Variants in BMPR1A observed in about 807,000 individuals in gnomAD.
The protein encoded by BMPR1A is bone morphogenetic protein receptor type 1A.
A neutral mutation model predicts 66.0 loss-of-function variants in BMPR1A; 7 were observed. The ratio of observed to expected loss-of-function variants is 0.11; its 90% CI spans 0.06 to 0.20. BMPR1A has a LOEUF of 0.20. Ranked by LOEUF, BMPR1A falls within the 10% of genes least tolerant of loss-of-function variation. BMPR1A has a pLI of 1.00. For synonymous variants in BMPR1A, 200 were observed against 229.7 expected, an observed-to-expected ratio of 0.87 and a Z score of 1.17; for missense variants, 408 against 669.1, an observed-to-expected ratio of 0.61 and a Z score of 4.31.
chr10:86,901,060 C>T (rs1204349789), intron 7 of BMPR1A, among the ~76,000 whole-genome samples: 1 of 152,230 alleles, frequency 6.6e-6, no homozygotes, highest in East Asian at 1.9e-4. Context: ...GGATCACTCA[C>T]TCTGGGGGAA....
At chr10:86,901,724 T>A (rs1236310876) in intron 7 of BMPR1A, among the ~76,000 whole-genome samples, 1 of 152,210 alleles carries the variant, frequency 6.6e-6, no homozygotes, top group African/African-American at 2.4e-5. Context: ...TCAAAGTCCC[T>A]TTGTCAAATA....
chr10:86,767,035 G>T (rs569862342), intron 1 of BMPR1A, among the ~76,000 whole-genome samples: 1 of 152,078 alleles, frequency 6.6e-6, no homozygotes, highest in Non-Finnish European at 1.5e-5. Flanking sequence ...TGTTGGTCAG[G>T]ATGGTCTTGA....
In BMPR1A at chr10:86,856,242, T is replaced by C. The variant is rs188096900; in HGVS notation, c.-153+17263T>C. The C allele has an allele frequency of 6.0e-3, 3,138 of 522,330 alleles. 14 individuals carry two copies. Among genetic ancestry groups the C allele is most frequent in the Non-Finnish European group, 8.9e-3 (2,315 of 259,586 alleles). The allele number at this position is 522,330 out of a possible 1,614,324, so 32.4% of individuals were successfully genotyped here. ...AGCAGGTGTAATGAACTTCCCCTTTTAGAAGCATCTTCTTGTTTCAAAGTA... is the reference window on the plus strand; with the variant it reads ...AGCAGGTGTAATGAACTTCCCCTTTCAGAAGCATCTTCTTGTTTCAAAGTA... On this transcript the variant is annotated intron_variant, in intron 2 of 12. Transcript: ENST00000372037.
At chr10:86,916,855 T>G (rs1040215545) in intron 8 of BMPR1A, among the ~76,000 whole-genome samples, 11 of 152,012 alleles carry the variant, frequency 7.2e-5, no homozygotes, top group Non-Finnish European at 1.5e-4. Context: ...TAGCTGGGCA[T>G]GGTGGCGGGT....
intron 1 of BMPR1A, among the ~76,000 whole-genome samples, chr10:86,772,767 AATC>A (rs1841284897): frequency 6.6e-6 from 1 of 152,132 alleles, no homozygotes; most frequent in South Asian, 2.1e-4. Flanking sequence ...GACGTCTAAA[AATC>A]ATCCCATTCC....
chr10:86,898,252 T>C (rs1564717279), intron 5 of BMPR1A, among the ~76,000 whole-genome samples: 3 of 151,640 alleles, frequency 2.0e-5, no homozygotes, highest in African/African-American at 7.3e-5. Flanking sequence ...ATAACACATA[T>C]ATATATAACA....
In BMPR1A at chr10:86,839,592, C is replaced by CAAA. The variant is rs1210538965; in HGVS notation, c.-153+632_-153+634dup. ...TGGGCAACAGAGTGAGACTCTGTCTCAAAAAAAAAAAAAAAAAAAAAGATT... is the reference window on the plus strand; with the variant it reads ...TGGGCAACAGAGTGAGACTCTGTCTCAAAAAAAAAAAAAAAAAAAAAAAAGATT... On this transcript the variant is annotated intron_variant, in intron 2 of 12. Coordinates refer to ENST00000372037, the MANE Select transcript of BMPR1A (RefSeq NM_004329.3). Among the ~76,000 whole-genome samples, 165 of 72,628 alleles carry CAAA rather than the reference C, an allele frequency of 2.3e-3. 2 individuals are homozygous for CAAA. The highest frequency in any genetic ancestry group is 3.6e-3 in the Non-Finnish European group (137 of 38,436). The allele number at this position is 72,628 out of a possible 152,430, so 47.6% of individuals were successfully genotyped here. A position where few individuals can be genotyped will look rare whatever the true frequency, so the allele number is the denominator to read the frequency against.
intron 2 of BMPR1A, among the ~76,000 whole-genome samples, chr10:86,849,841 T>C (rs1004193119): frequency 6.6e-6 from 1 of 152,256 alleles, no homozygotes; most frequent in Non-Finnish European, 1.5e-5. Flanking sequence ...AGTTTAACTT[T>C]CCTTTCCTCA....
Position 86,918,100 on chromosome 10 carries a change from C to T in BMPR1A, c.868+774C>T, listed in dbSNP as rs902814672. ...TCCTTGGCTTAGTATAGACAACACTCTAGTCTCCATTTCTGTCATCAGGTG... is the reference window on the plus strand; with the variant it reads ...TCCTTGGCTTAGTATAGACAACACTTTAGTCTCCATTTCTGTCATCAGGTG... On this transcript the variant is annotated intron_variant, in intron 9 of 12. Transcript: ENST00000372037. 2.0e-5 allele frequency among the ~76,000 whole-genome samples: 3 copies of T among 152,262 alleles called. No homozygotes were observed. The South Asian group carries it at 6.2e-4, about 32-fold the overall frequency.
Position 86,924,778 on chromosome 10 carries a change from C to G in BMPR1A, c.*1059C>G. 4.3e-6 allele frequency: 1 copy of G among 232,686 alleles called. No individual in the cohort carries two copies. Among genetic ancestry groups the G allele is most frequent in the East Asian group, 6.1e-5 (1 of 16,404 alleles). The allele number at this position is 232,686 out of a possible 1,614,324, so 14.4% of individuals were successfully genotyped here. A position where few individuals can be genotyped will look rare whatever the true frequency, so the allele number is the denominator to read the frequency against. On this transcript the variant is annotated 3_prime_UTR_variant, in exon 13 of 13. Coordinates refer to ENST00000372037, the MANE Select transcript of BMPR1A (RefSeq NM_004329.3). ...CAACCATACTTTATATATGTACATA[C>G]ATTCATACTGTAGAAACCAGCTCAT...
At chr10:86,764,353 C>T (rs1841129248) in intron 1 of BMPR1A, among the ~76,000 whole-genome samples, 1 of 152,134 alleles carries the variant, frequency 6.6e-6, no homozygotes. Context: ...AAAAATATTT[C>T]AGTGGTAACT....
intron 1 of BMPR1A, among the ~76,000 whole-genome samples, chr10:86,833,480 G>A (rs1842301739): frequency 6.6e-6 from 1 of 152,184 alleles, no homozygotes. Context: ...GCAGCATTTA[G>A]TAACTCCTGA....
chr10:86,855,865 G>A, intron 2 of BMPR1A: 1 of 754,510 alleles, frequency 1.3e-6, no homozygotes, highest in Non-Finnish European at 2.3e-6. Context: ...TATGAGTGCT[G>A]GAAGAACAAT....
downstream of BMPR1A, chr10:86,931,256 G>GA (rs1175936602): frequency 0.025 from 1,592 of 64,814 alleles, 109 homozygotes; most frequent in South Asian, 0.061. Context: ...AAAAAAAAAA[G>GA]AAAAAAAAAT....
At chr10:86,832,190 G>A (rs1026893051) in intron 1 of BMPR1A, among the ~76,000 whole-genome samples, 7 of 152,046 alleles carry the variant, frequency 4.6e-5, no homozygotes, top group Non-Finnish European at 8.8e-5. Flanking sequence ...GAAAAAGGCC[G>A]GGCGCGGTGG....
intron 1 of BMPR1A, among the ~76,000 whole-genome samples, chr10:86,807,646 G>A (rs1409664932): frequency 6.6e-6 from 1 of 152,142 alleles, no homozygotes; most frequent in African/African-American, 2.4e-5. Flanking sequence ...GTCTCCCAAA[G>A]AGCTGGGATT....
rs1289866402 is a variant in BMPR1A at position 86,904,979 on chromosome 10, GAACTTT to G, written c.530+4857_530+4862del. On this transcript the variant is annotated intron_variant, in intron 7 of 12. Transcript: ENST00000372037. ...TTGGAATATTCATTCATATTTAGTTGAACTTTAACAAGTCACAAGTTGTTCTCCATA... is the reference window on the plus strand; with the variant it reads ...TTGGAATATTCATTCATATTTAGTTGAACAAGTCACAAGTTGTTCTCCATA... Among the ~76,000 whole-genome samples the G allele has an allele frequency of 5.0e-4, 76 of 152,188 alleles. No individual in the cohort carries two copies. In the East Asian group the frequency reaches 0.012, roughly 24 times the overall value.
At chr10:86,922,176 T>C (rs1843675009) in intron 11 of BMPR1A, among the ~76,000 whole-genome samples, 1 of 152,190 alleles carries the variant, frequency 6.6e-6, no homozygotes. Context: ...GTGCCTGGCT[T>C]ATTTTACTTA....
rs907778335 is a variant in BMPR1A at position 86,925,818 on chromosome 10, C to G, written c.*2099C>G. 1.3e-5 allele frequency: 2 copies of G among 153,684 alleles called. No individual in the cohort carries two copies. The highest frequency in any genetic ancestry group is 5.2e-5 in the African/African-American group (2 of 38,356). The allele number at this position is 153,684 out of a possible 1,614,324, so 9.5% of individuals were successfully genotyped here. A position where few individuals can be genotyped will look rare whatever the true frequency, so the allele number is the denominator to read the frequency against. ...TCTCGGCTCACTGCAAGCTCCGCTT[C>G]CCGGGTTCACGCCATTCTCCTGCCT... On this transcript the variant is annotated 3_prime_UTR_variant, in exon 13 of 13. Transcript: ENST00000372037.
Sources: gnomAD v4.1 joint callset for allele counts (sites outside exome capture counted in the v4.1 genomes callset) on GRCh38, gnomAD v4.1.1 for gene constraint, MANE v1.5 for transcripts, NCBI Gene and HGNC (gene_info 2026-07-23, HGNC 2026-07-21) for gene names.